The following ARID1A variants were observed in gnomAD, a reference collection of about 807,000 sequenced individuals.
ARID1A encodes the protein AT-rich interactive domain-containing protein 1A.
Under a neutral mutation model 212.6 loss-of-function variants are expected in ARID1A, and 20 were observed. The ratio of observed to expected loss-of-function variants is 0.09; its 90% confidence interval spans 0.07 to 0.14. The LOEUF (loss-of-function observed/expected upper bound fraction) is 0.14, where lower values mean the gene tolerates loss of function less well. Among genes scored for constraint, ARID1A ranks in the 10% least tolerant of loss-of-function variants. The pLI is 1.00. For synonymous variants in ARID1A, 1,376 were observed against 1,222.1 expected (o/e 1.13, Z -2.63); for missense variants, 2,587 against 3,059.0 (o/e 0.85, Z 3.64).
intron 8 of ARID1A, among the ~76,000 whole-genome samples, chr1:26,763,820 G>A (rs888515441): frequency 2.1e-4 from 32 of 152,122 alleles, no homozygotes; most frequent in Non-Finnish European, 2.9e-5. Context: ...ACAGGACCCT[G>A]CTCTGTTCCC....
rs749037399 is a variant in ARID1A at position 26,761,120 on chromosome 1, G to A, written c.2161+24G>A. 19 of 1,610,470 alleles carry A rather than the reference G, an allele frequency of 1.2e-5. No homozygotes were observed. The African/African-American group carries it at 2.1e-4, about 18-fold the overall frequency. The stretch of plus-strand genomic sequence containing the variant: ...AGGTACCCTCAAGTGCTGGGCTTTA[G>A]GGAGAGGGAAAGGTGACTGCCCCCA... On this transcript the variant is annotated intron_variant, in intron 5 of 19. Transcript: ENST00000324856.
At chr1:26,709,534 G>A (rs769432850) in intron 1 of ARID1A, among the ~76,000 whole-genome samples, 22 of 151,874 alleles carry the variant, frequency 1.4e-4, no homozygotes, top group Non-Finnish European at 1.9e-4. Context: ...CTCAATTCAG[G>A]AGAGATAGAA....
intron 11 of ARID1A, 76 bp downstream of exon 11, chr1:26,768,075 G>A: frequency 6.9e-7 from 1 of 1,443,652 alleles, no homozygotes; most frequent in Non-Finnish European, 9.5e-7. Context: ...GGCTTCATGT[G>A]GTACCATGCA....
At chr1:26,752,056 C>T (rs2080889872) in intron 4 of ARID1A, among the ~76,000 whole-genome samples, 1 of 152,202 alleles carries the variant, frequency 6.6e-6, no homozygotes, top group Non-Finnish European at 1.5e-5. Context: ...CTAAACCTTT[C>T]CTGGAGTAGT....
In ARID1A at chr1:26,771,590, A is replaced by T. The variant is rs2081082997; in HGVS notation, c.3406+264A>T. 1 of 509,202 alleles carries T rather than the reference A, an allele frequency of 2.0e-6. No homozygotes were observed. Among genetic ancestry groups the T allele is most frequent in the African/African-American group, 1.9e-5 (1 of 52,436 alleles). The allele number at this position is 509,202 out of a possible 1,614,324, so 31.5% of individuals were successfully genotyped here. On this transcript the variant is annotated intron_variant, in intron 12 of 19. Coordinates refer to ENST00000324856, the MANE Select transcript of ARID1A (RefSeq NM_006015.6). The surrounding 1 kb of genome is among the most constrained non-coding windows in gnomAD (Gnocchi z 5.4). The stretch of plus-strand genomic sequence containing the variant: ...AAATGTTTGTAAACTGGTGAATGGG[A>T]GGGGCACAAGAGGAGTCGGTGGAAC...
intron 10 of ARID1A, among the ~76,000 whole-genome samples, chr1:26,767,490 G>A (rs2081049396): frequency 6.6e-6 from 1 of 152,208 alleles, no homozygotes; most frequent in East Asian, 1.9e-4. Context: ...CTTAGGCTTT[G>A]CCTCCTGGTG....
rs973625689 is a variant in ARID1A, at chr1:26,729,797, G to C, written c.1284G>C (p.Gln428His). 2.2e-5 allele frequency: 36 copies of C among 1,614,154 alleles called. No individual in the cohort carries two copies. The highest frequency in any genetic ancestry group is 3.1e-5 in the Non-Finnish European group (36 of 1,180,062). The part of the protein sequence containing the change: ...PGQPYGSQTP[Q>H]RYPMTMQGRA... ...AGCCATACGGGTCCCAGACCCCGCA[G>C]CGGTACCCGATGACCATGCAGGGCC... The change falls in exon 2 of 20, where the codon CAG (glutamine) becomes CAC (histidine). Residue 428 changes from glutamine (Q) to histidine (H), a missense_variant. Transcript: ENST00000324856.
intron 4 of ARID1A, among the ~76,000 whole-genome samples, chr1:26,734,345 T>C (rs76296530): frequency 1.2e-4 from 3 of 24,470 alleles, no homozygotes; most frequent in East Asian, 0.036. Context: ...TTTGGCTTCT[T>C]TTTTTTTTTT....
intron 5 of ARID1A, 22 bp downstream of exon 5, chr1:26,761,118 T>TA: frequency 6.2e-7 from 1 of 1,610,796 alleles, no homozygotes; most frequent in Non-Finnish European, 8.5e-7. Context: ...TGCTGGGCTT[T>TA]AGGGAGAGGG....
intron 11 of ARID1A, chr1:26,769,340 T>C (rs1237182303): frequency 6.6e-6 from 1 of 152,248 alleles, no homozygotes; most frequent in East Asian, 1.9e-4. Context: ...AACTGAACTT[T>C]TATAAAGGCA....
intron 4 of ARID1A, among the ~76,000 whole-genome samples, chr1:26,743,300 C>G (rs192807996): frequency 6.6e-6 from 1 of 152,310 alleles, no homozygotes; most frequent in African/African-American, 2.4e-5. Context: ...GCTTCAAAAC[C>G]TAGCTGGAAT....
Position 26,697,138 on chromosome 1 carries a change from G to C in ARID1A, c.735G>C (p.Ala245=), listed in dbSNP as rs1325531225. The C allele has an allele frequency of 4.2e-6, 6 of 1,438,892 alleles. No homozygotes were observed. The highest frequency in any genetic ancestry group is 1.5e-5 in the South Asian group (1 of 67,678). The allele number at this position is 1,438,892 out of a possible 1,614,324, so 89.1% of individuals were successfully genotyped here. ...RGGTPGSGAA[A]AAGSKPPPSS... is the part of the protein sequence containing the mutation. The stretch of plus-strand genomic sequence containing the variant: ...GCACTCCGGGCTCCGGCGCGGCGGC[G>C]GCTGCCGGCTCCAAGCCGCCTCCCT... Residue 245 remains alanine (A), a synonymous_variant, in exon 1 of 20, where the codon GCG becomes GCC. Transcript: ENST00000324856.
At chr1:26,721,458 T>C (rs2080564493) in intron 1 of ARID1A, among the ~76,000 whole-genome samples, 1 of 152,200 alleles carries the variant, frequency 6.6e-6, no homozygotes, top group African/African-American at 2.4e-5. Flanking sequence ...CTCCTCGGCC[T>C]CCCAAAGTGC....
intron 2 of ARID1A, among the ~76,000 whole-genome samples, 176 bp downstream of exon 2, chr1:26,730,039 T>C (rs1404874066): frequency 6.6e-6 from 1 of 152,216 alleles, no homozygotes; most frequent in Non-Finnish European, 1.5e-5. Context: ...CCGTTCCATG[T>C]GTGCTCCAAG....
chr1:26,729,713 A>G lies in ARID1A; in HGVS notation c.1200A>G (p.Pro400=). Residue 400 remains proline (P), a synonymous_variant, in exon 2 of 20, where the codon CCA becomes CCG. Transcript: ENST00000324856. ...MRPQPYGGTN[P]YSQQQGPPSG... ...CTCAGCCATATGGCGGGACTAACCC[A>G]TACTCGCAGCAACAGGGACCTCCGT... 6.2e-7 allele frequency: 1 copy of G among 1,614,250 alleles called. No homozygotes were observed. The highest frequency in any genetic ancestry group is 8.5e-7 in the Non-Finnish European group (1 of 1,180,038).
chr1:26,702,287 C>T (rs534765035), intron 1 of ARID1A, among the ~76,000 whole-genome samples: 9 of 152,312 alleles, frequency 5.9e-5, no homozygotes, highest in Non-Finnish European at 1.2e-4. Flanking sequence ...ACATGGTGTG[C>T]TTTGCACGTG....
chr1:26,756,887 A>G (rs1430038056), intron 4 of ARID1A, among the ~76,000 whole-genome samples: 1 of 151,824 alleles, frequency 6.6e-6, no homozygotes, highest in Non-Finnish European at 1.5e-5. Context: ...TATTTTTAGT[A>G]AAGACGGGGT....
At position 26,774,791 on chromosome 1, in the gene ARID1A, G is replaced by A. The variant is rs199776442; in HGVS notation, c.4564G>A (p.Ala1522Thr). 1.7e-5 allele frequency: 27 copies of A among 1,614,026 alleles called. No individual in the cohort carries two copies. The highest frequency in any genetic ancestry group is 1.6e-4 in the Middle Eastern group (1 of 6,084). The change falls in exon 18 of 20, where the codon GCC (alanine) becomes ACC (threonine). Residue 1522 changes from alanine to threonine, a missense_variant. By Grantham distance (58) the Ala-to-Thr change is moderately conservative (BLOSUM62 0). This residue lies in a region of ARID1A where 890 missense variants were observed against 1,098.2 expected (regional missense o/e 0.81). Coordinates refer to ENST00000324856, the MANE Select transcript of ARID1A (RefSeq NM_006015.6). The surrounding 1 kb of genome is among the most constrained non-coding windows in gnomAD (Gnocchi z 5.6). ...CACGGGCTCTGCCCCCCAGGGCCCCGCCTATCATGGCGTGAACCGAACAGA... is the reference window on the plus strand; with the variant it reads ...CACGGGCTCTGCCCCCCAGGGCCCCACCTATCATGGCGTGAACCGAACAGA... ...QSTGSAPQGP[A>T]YHGVNRTDEM...
At chr1:26,733,792 T>C (rs987269543) in intron 4 of ARID1A, among the ~76,000 whole-genome samples, 2 of 152,174 alleles carry the variant, frequency 1.3e-5, no homozygotes, top group African/African-American at 4.8e-5. Flanking sequence ...ATAAGAATCT[T>C]TTGGAATTTT....
Sources: gnomAD v4.1 joint callset for allele counts (sites outside exome capture counted in the v4.1 genomes callset) on GRCh38, gnomAD v4.1.1 for gene constraint, gnomAD v4.1.1 regional missense constraint, Gnocchi (gnomAD v3.1) non-coding constraint, MANE v1.5 for transcripts, NCBI Gene and HGNC (gene_info 2026-07-23, HGNC 2026-07-21) for gene names.